ODR4: variants seen among roughly 807,000 people sequenced by gnomAD.
ODR4 encodes odr-4 GPCR localization factor homolog.
In ODR4, 47 loss-of-function variants were observed where a neutral mutation model predicts 60.2. That is an observed-to-expected ratio of 0.78 (90% confidence interval 0.62 to 1.00). The LOEUF (loss-of-function observed/expected upper bound fraction) is 1.00, where lower values mean the gene tolerates loss of function less well. Ranked by LOEUF, ODR4 falls within the 50% of genes least tolerant of loss-of-function variation. The probability of loss-of-function intolerance (pLI) is 0.00; values close to 1 mark genes in which losing one functional copy is unlikely to be tolerated. For synonymous variants in ODR4, 178 were observed against 175.5 expected, an observed-to-expected ratio of 1.01 and a Z score of -0.11; for missense variants, 488 against 530.8, an observed-to-expected ratio of 0.92 and a Z score of 0.79.
intron 4 of ODR4, 133 bp from the exon 5 acceptor site, chr1:186,388,309 C>A: frequency 1.8e-6 from 1 of 551,208 alleles, no homozygotes; most frequent in Non-Finnish European, 3.1e-6. Context: ...TAGTGAGACC[C>A]CTTCTCCAAT....
At position 186,393,946 on chromosome 1, in the gene ODR4, GA is replaced by G; in HGVS notation, c.717del (p.Lys239AsnfsTer19). 1 of 1,506,486 alleles carries G rather than the reference GA, an allele frequency of 6.6e-7. No individual in the cohort carries two copies. The allele number at this position is 1,506,486 out of a possible 1,614,324, so 93.3% of individuals were successfully genotyped here. A position where few individuals can be genotyped will look rare whatever the true frequency, so the allele number is the denominator to read the frequency against. ...DEDCDLLEGQKKSSRGNTQAT... is the reference protein window; with the variant it reads ...DEDCDLLEGQXKSSRGNTQAT... ...GCTTTTTAACTTTTGTGTTTTTTCAGAAAAAATCTTCTAGAGGAAATACTCA... is the reference window on the plus strand; with the variant it reads ...GCTTTTTAACTTTTGTGTTTTTTCAGAAAAATCTTCTAGAGGAAATACTCA... On this transcript the variant is annotated frameshift_variant and splice_region_variant, in exon 9 of 14. Transcript: ENST00000287859. LOFTEE classifies it high-confidence loss of function.
Position 186,387,090 on chromosome 1 carries a change from G to A in ODR4, c.330+1007G>A, listed in dbSNP as rs569365695. Among the ~76,000 whole-genome samples, 6 of 151,578 alleles carry A rather than the reference G, an allele frequency of 4.0e-5. No individual in the cohort carries two copies. The South Asian group carries it at 8.3e-4, about 21-fold the overall frequency. ...AGACATATAAAACCCAACCCCAACA[G>A]TATCCCAGAAAAACATTTTTTAGGT... On this transcript the variant is annotated intron_variant, in intron 4 of 13. Coordinates refer to ENST00000287859, the MANE Select transcript of ODR4 (RefSeq NM_017847.6).
At chr1:186,434,093 T>C in the ODR4 span, among the ~76,000 whole-genome samples, 17 of 152,112 alleles carry the variant, frequency 1.1e-4, no homozygotes, top group Non-Finnish European at 1.8e-4. Flanking sequence ...TGTTTAAAAT[T>C]TTTAGATCAT....
At chr1:186,398,852 C>T in intron 10 of ODR4, 102 bp from the exon 11 acceptor site, 1 of 712,730 alleles carries the variant, frequency 1.4e-6, no homozygotes. Flanking sequence ...ATTTAGTGGG[C>T]ATGATTGTAC....
At chr1:186,400,212 G>A (rs1188655117) in intron 11 of ODR4, among the ~76,000 whole-genome samples, 1 of 150,978 alleles carries the variant, frequency 6.6e-6, no homozygotes, top group African/African-American at 2.4e-5. Flanking sequence ...GGATGGTCTC[G>A]ATCTCCTGAC....
chr1:186,377,835 G>A (rs983329527), intron 1 of ODR4, among the ~76,000 whole-genome samples: 1 of 152,168 alleles, frequency 6.6e-6, no homozygotes, highest in Non-Finnish European at 1.5e-5. Flanking sequence ...CACACGGTCA[G>A]GAGATCGAGA....
rs1431383753 is a variant in ODR4, at chr1:186,390,833, T to C, written c.597T>C (p.Thr199=). Residue 199 remains threonine, a synonymous_variant, in exon 7 of 14, where the codon ACT becomes ACC. Transcript: ENST00000287859. ...IPLSATSVSY[T]LEKNTKNGLT... is the part of the protein sequence containing the mutation. ...TTTCTGCTACTTCTGTCAGCTATAC[T>C]CTGGAGAAAAATACAAAGGTACCAG... The C allele has an allele frequency of 1.2e-6, 2 of 1,612,598 alleles. No homozygotes were observed. Among genetic ancestry groups the C allele is most frequent in the Non-Finnish European group, 1.7e-6 (2 of 1,179,120 alleles).
At position 186,419,237 on chromosome 1, in the gene ODR4, G is replaced by A. The variant is rs537618407; in HGVS notation, c.*161G>A. ...TCTGATTAAAATGAAATCACAAGCT[G>A]CCTTGTTTAGCCTGCTTTACATTGT... On this transcript the variant is annotated 3_prime_UTR_variant, in exon 14 of 14. Coordinates refer to ENST00000287859, the MANE Select transcript of ODR4 (RefSeq NM_017847.6). The A allele has an allele frequency of 1.6e-5, 10 of 644,422 alleles. 1 individual carries two copies. The South Asian group carries it at 2.0e-4, about 13-fold the overall frequency. 39.9% of individuals were successfully genotyped at this position (644,422 alleles called of 1,614,324 possible). A position where few individuals can be genotyped will look rare whatever the true frequency, so the allele number is the denominator to read the frequency against.
chr1:186,398,873 A>G, intron 10 of ODR4, 81 bp from the exon 11 acceptor site: 3 of 1,035,996 alleles, frequency 2.9e-6, no homozygotes, highest in Non-Finnish European at 4.2e-6. Flanking sequence ...TGGAAAGCAA[A>G]TTATTTTTTT....
At position 186,398,304 on chromosome 1, in the gene ODR4, G is replaced by A; in HGVS notation, c.781-9G>A. The A allele has an allele frequency of 6.4e-7, 1 of 1,571,158 alleles. No individual in the cohort carries two copies. The highest frequency in any genetic ancestry group is 1.2e-5 in the South Asian group (1 of 83,394). ...GGTTATTAGAACTTAAACAGATTTTGTCTTTCAGCTCCTGAATTCAGACCA... is the reference window on the plus strand; with the variant it reads ...GGTTATTAGAACTTAAACAGATTTTATCTTTCAGCTCCTGAATTCAGACCA... On this transcript the variant is annotated splice_polypyrimidine_tract_variant and intron_variant, in intron 9 of 13. Coordinates refer to ENST00000287859, the MANE Select transcript of ODR4 (RefSeq NM_017847.6).
intron 12 of ODR4, among the ~76,000 whole-genome samples, chr1:186,412,810 G>A (rs1340789964): frequency 6.6e-6 from 1 of 151,756 alleles, no homozygotes; most frequent in Non-Finnish European, 1.5e-5. Context: ...AAAACTGTTA[G>A]GGAAAATGCT....
At chr1:186,401,054 G>A (rs1261033996) in intron 11 of ODR4, 8 of 1,595,006 alleles carry the variant, frequency 5.0e-6, no homozygotes, top group Non-Finnish European at 6.9e-6. Context: ...GTATGGGGAT[G>A]TATCCACCAT....
intron 11 of ODR4, chr1:186,401,198 A>G: frequency 6.4e-7 from 1 of 1,562,460 alleles, no homozygotes. Flanking sequence ...GCTGATGTTC[A>G]ATTAGTAAAA....
the ODR4 span, among the ~76,000 whole-genome samples, chr1:186,428,807 A>T: frequency 6.6e-6 from 1 of 152,214 alleles, no homozygotes; most frequent in Non-Finnish European, 1.5e-5. Context: ...AGGGAGAAAG[A>T]CAGGGAAATG....
At chr1:186,401,141 A>G (rs751688104) in intron 11 of ODR4, 2 of 1,596,508 alleles carry the variant, frequency 1.3e-6, no homozygotes, top group Non-Finnish European at 1.7e-6. Context: ...GTGGTATTAT[A>G]TGGCTATCCT....
At chr1:186,396,760 T>TAGATAG (rs879338626) in intron 9 of ODR4, among the ~76,000 whole-genome samples, 1,289 of 117,134 alleles carry the variant, frequency 0.011, 14 homozygotes, top group African/African-American at 0.029. Flanking sequence ...TAGATAGATA[T>TAGATAG]ATGTATATAC....
In ODR4 at chr1:186,383,173, G is replaced by A. The variant is rs982225063; in HGVS notation, c.234+17G>A. The stretch of plus-strand genomic sequence containing the variant: ...GCCTGCCAGGTTATCTTATTTTTTT[G>A]TTTATATGTTTAAGTTTTATTTCAA... On this transcript the variant is annotated intron_variant, in intron 3 of 13. Coordinates refer to ENST00000287859, the MANE Select transcript of ODR4 (RefSeq NM_017847.6). 8.4e-6 allele frequency: 13 copies of A among 1,539,782 alleles called. No individual in the cohort carries two copies. Among genetic ancestry groups the A allele is most frequent in the Non-Finnish European group, 1.1e-5 (13 of 1,143,974 alleles).
intron 8 of ODR4, among the ~76,000 whole-genome samples, chr1:186,393,215 A>G (rs1660535609): frequency 1.3e-5 from 2 of 152,342 alleles, no homozygotes; most frequent in Admixed American, 1.3e-4. Flanking sequence ...TAATCCGTAT[A>G]TCAAACCCCC....
At chr1:186,401,992 G>T (rs1660976717) in intron 11 of ODR4, among the ~76,000 whole-genome samples, 1 of 151,910 alleles carries the variant, frequency 6.6e-6, no homozygotes, top group Admixed American at 6.5e-5. Context: ...GTTTTCTTTG[G>T]AGATTTTTCA....
Sources: allele counts gnomAD v4.1 joint callset (sites outside exome capture counted in the v4.1 genomes callset), GRCh38; gene constraint gnomAD v4.1.1; transcripts MANE v1.5; gene names NCBI Gene and HGNC (gene_info 2026-07-23, HGNC 2026-07-21).